MIGA1: variants seen among roughly 807,000 people sequenced by gnomAD.
MIGA1 encodes family with sequence similarity 73, member A.
In MIGA1, 58 loss-of-function variants were observed where a neutral mutation model predicts 82.0. That is an observed-to-expected ratio of 0.71 (90% CI 0.57 to 0.88). MIGA1 has a LOEUF of 0.88. Ranked by LOEUF, MIGA1 falls within the 40% of genes least tolerant of loss-of-function variation. MIGA1 has a pLI of 0.00. For synonymous variants in MIGA1, 249 were observed against 253.6 expected, an observed-to-expected ratio of 0.98 and a Z score of 0.17; for missense variants, 751 against 749.1, an observed-to-expected ratio of 1.00 and a Z score of -0.03.
At position 77,815,166 on chromosome 1, in the gene MIGA1, G is replaced by A. The variant is rs576373704; in HGVS notation, c.830G>A (p.Arg277His). 11 of 1,608,138 alleles carry A rather than the reference G, an allele frequency of 6.8e-6. No individual in the cohort carries two copies. The highest frequency in any genetic ancestry group is 4.4e-5 in the South Asian group (4 of 90,254). The change falls in exon 7 of 16, where the codon CGT (arginine) becomes CAT (histidine). Residue 277 changes from arginine to histidine, a missense_variant. Physicochemically the swap from Arg to His is conservative, Grantham distance 29. This residue lies in a region of MIGA1 where 482 missense variants were observed against 439.4 expected (regional missense o/e 1.10). Coordinates refer to ENST00000370791, the MANE Select transcript of MIGA1 (RefSeq NM_198549.4). ...GAAGCTCTGCTGCAAAGAGCCTATC[G>A]TCTCCAAGAGGAGTTTGAAGCTACC...
chr1:77,842,234 T>C (rs1057198022), intron 7 of MIGA1, among the ~76,000 whole-genome samples: 7 of 152,356 alleles, frequency 4.6e-5, no homozygotes, highest in African/African-American at 1.7e-4. Context: ...TAGTCACATA[T>C]GTAAGAAGGA....
intron 8 of MIGA1, among the ~76,000 whole-genome samples, chr1:77,855,307 T>G (rs1685208005): frequency 6.6e-6 from 1 of 152,230 alleles, no homozygotes; most frequent in Non-Finnish European, 1.5e-5. Context: ...CCTTATAGTA[T>G]AGTTTGAAAT....
intron 3 of MIGA1, 151 bp from the exon 4 acceptor site, chr1:77,803,119 T>C (rs1312389639): frequency 5.1e-6 from 2 of 392,888 alleles, no homozygotes; most frequent in Non-Finnish European, 8.9e-6. Flanking sequence ...ATTTTAATAA[T>C]GATGTACATG....
chr1:77,842,252 T>A (rs1570984589), intron 7 of MIGA1, among the ~76,000 whole-genome samples: 1 of 152,360 alleles, frequency 6.6e-6, no homozygotes, highest in South Asian at 2.1e-4. Flanking sequence ...GGAAAGTATT[T>A]GTTTGAAAAT....
intron 1 of MIGA1, chr1:77,780,064 C>T (rs1681834956): frequency 9.2e-6 from 10 of 1,082,502 alleles, no homozygotes; most frequent in Non-Finnish European, 3.4e-6. Context: ...TGCTCTGAGC[C>T]AGAGGAAGGG....
chr1:77,815,309 C>T, intron 7 of MIGA1, 78 bp downstream of exon 7: 1 of 1,187,542 alleles, frequency 8.4e-7, no homozygotes, highest in Non-Finnish European at 1.1e-6. Flanking sequence ...GCATAAGTGT[C>T]TGTCTTATGT....
intron 14 of MIGA1, 123 bp from the exon 15 acceptor site, chr1:77,872,881 T>TA: frequency 7.5e-7 from 1 of 1,339,820 alleles, no homozygotes; most frequent in South Asian, 1.2e-5. Flanking sequence ...ACTCTGGTTC[T>TA]AAAAAACAAA....
chr1:77,813,557 C>T (rs907293350), intron 5 of MIGA1, among the ~76,000 whole-genome samples, 177 bp from the exon 6 acceptor site: 3 of 152,068 alleles, frequency 2.0e-5, no homozygotes, highest in African/African-American at 7.2e-5. Flanking sequence ...TTAACTGGAA[C>T]CATAGGCTGA....
intron 14 of MIGA1, among the ~76,000 whole-genome samples, chr1:77,869,431 A>G (rs1053407685): frequency 2.0e-5 from 3 of 146,896 alleles, no homozygotes; most frequent in Non-Finnish European, 4.5e-5. Context: ...CATTGTCATC[A>G]TGGCCCATCC....
chr1:77,860,236 A>T (rs1209831796), intron 11 of MIGA1, 110 bp downstream of exon 11: 6 of 678,548 alleles, frequency 8.8e-6, no homozygotes, highest in Non-Finnish European at 1.5e-5. Flanking sequence ...TTTTGTGGAT[A>T]GTTGAAAAGG....
rs981005700 is a variant in MIGA1 at position 77,815,309 on chromosome 1, C to G, written c.895+78C>G. Reference sequence around the variant, plus strand: ...TCCTTGGAATCATCTGCATAAGTGTCTGTCTTATGTAATAATAGGTTACTT... The same window carrying G: ...TCCTTGGAATCATCTGCATAAGTGTGTGTCTTATGTAATAATAGGTTACTT... On this transcript the variant is annotated intron_variant, in intron 7 of 15. Transcript: ENST00000370791. 3.4e-5 allele frequency: 40 copies of G among 1,187,424 alleles called. 1 individual carries two copies. The South Asian group carries it at 8.6e-4, about 25-fold the overall frequency. 73.6% of individuals were successfully genotyped at this position (1,187,424 alleles called of 1,614,324 possible).
At chr1:77,872,941 G>A in intron 14 of MIGA1, 63 bp from the exon 15 acceptor site, 4 of 1,600,478 alleles carry the variant, frequency 2.5e-6, no homozygotes, top group South Asian at 1.1e-5. Flanking sequence ...TTCAGTTTCT[G>A]TACTAGAGAA....
chr1:77,848,018 AAG>A, intron 8 of MIGA1: 1 of 1,263,416 alleles, frequency 7.9e-7, no homozygotes, highest in Non-Finnish European at 1.2e-6. Context: ...CTAGTGAAGA[AAG>A]AGGGCACAGT....
In MIGA1 at chr1:77,859,011, C is replaced by G; in HGVS notation, c.1070C>G (p.Ala357Gly). Reference sequence around the variant, plus strand: ...TGTCACTGCCCATTTTACGAGGAAGCCATGCATTTAGTTGAAGAAGGAAAA... The same window carrying G: ...TGTCACTGCCCATTTTACGAGGAAGGCATGCATTTAGTTGAAGAAGGAAAA... Residue 357 changes from alanine (A) to glycine (G), a missense_variant, in exon 9 of 16, where the codon GCC becomes GGC. By Grantham distance (60) the Ala-to-Gly change is moderately conservative (BLOSUM62 0). Coordinates refer to ENST00000370791, the MANE Select transcript of MIGA1 (RefSeq NM_198549.4). The G allele has an allele frequency of 6.2e-7, 1 of 1,613,610 alleles. No individual in the cohort carries two copies. Among genetic ancestry groups the G allele is most frequent in the East Asian group, 2.2e-5 (1 of 44,876 alleles).
chr1:77,836,622 C>A (rs1371885517), intron 7 of MIGA1, among the ~76,000 whole-genome samples: 1 of 152,128 alleles, frequency 6.6e-6, no homozygotes, highest in Non-Finnish European at 1.5e-5. Flanking sequence ...TTAACTTTTG[C>A]AACAACTCTA....
intron 14 of MIGA1, among the ~76,000 whole-genome samples, chr1:77,872,739 G>A (rs78100899): frequency 1.3e-5 from 2 of 152,178 alleles, no homozygotes; most frequent in African/African-American, 4.8e-5. Context: ...CATGGCTCAT[G>A]ACTGACTCTT....
intron 8 of MIGA1, among the ~76,000 whole-genome samples, chr1:77,849,275 T>C (rs570173981): frequency 6.6e-6 from 1 of 152,258 alleles, no homozygotes; most frequent in African/African-American, 2.4e-5. Context: ...TGCATGCCTG[T>C]AGTCCCAGCT....
At chr1:77,812,697 T>C (rs1023169747) in intron 5 of MIGA1, among the ~76,000 whole-genome samples, 1 of 152,230 alleles carries the variant, frequency 6.6e-6, no homozygotes, top group Non-Finnish European at 1.5e-5. Flanking sequence ...TTGTTTGAAG[T>C]GCATAGTTAT....
chr1:77,779,759 G>T, intron 1 of MIGA1, 23 bp downstream of exon 1: 1 of 1,542,718 alleles, frequency 6.5e-7, no homozygotes, highest in South Asian at 1.2e-5. Flanking sequence ...GGGCGGGGTG[G>T]GGTGGAGAGG....
Sources: allele counts gnomAD v4.1 joint callset (sites outside exome capture counted in the v4.1 genomes callset), GRCh38; gene constraint gnomAD v4.1.1; regional missense constraint gnomAD v4.1.1; transcripts MANE v1.5; gene names NCBI Gene and HGNC (gene_info 2026-07-23, HGNC 2026-07-21).